Variants in TRAPPC9 observed in about 807,000 individuals in gnomAD.
TRAPPC9 encodes the protein IKK2 binding protein.
In TRAPPC9, 83 loss-of-function variants were observed where a neutral mutation model predicts 124.0. The ratio of observed to expected loss-of-function variants is 0.67; its 90% confidence interval spans 0.56 to 0.80. The LOEUF (loss-of-function observed/expected upper bound fraction) is 0.80, where lower values mean the gene tolerates loss of function less well. TRAPPC9 is among the 30% of genes least tolerant of loss of function. The pLI, the probability that TRAPPC9 is intolerant of heterozygous loss-of-function variation, is 0.00. For synonymous variants in TRAPPC9, 638 were observed against 617.5 expected (o/e 1.03, Z -0.49); for missense variants, 1,302 against 1,508.3 (o/e 0.86, Z 2.27).
chr8:139,935,193 T>A (rs1255875252), intron 19 of TRAPPC9, among the ~76,000 whole-genome samples: 1 of 152,186 alleles, frequency 6.6e-6, no homozygotes, highest in Non-Finnish European at 1.5e-5. Flanking sequence ...CCTTCTGTCC[T>A]AGAACCCCAA....
At chr8:140,167,053 G>T (rs543472102) in intron 17 of TRAPPC9, among the ~76,000 whole-genome samples, 1 of 152,020 alleles carries the variant, frequency 6.6e-6, no homozygotes, top group Non-Finnish European at 1.5e-5. Context: ...GAATCAATCA[G>T]ACAGGAGTAT....
At chr8:139,745,871 C>CAGCA (rs1372762026) in intron 21 of TRAPPC9, among the ~76,000 whole-genome samples, 2 of 152,250 alleles carry the variant, frequency 1.3e-5, no homozygotes. Flanking sequence ...AGTCGGTGGG[C>CAGCA]AGCAGCCCGC....
intron 17 of TRAPPC9, among the ~76,000 whole-genome samples, chr8:140,220,759 T>C (rs922701389): frequency 1.3e-5 from 2 of 152,192 alleles, no homozygotes; most frequent in Non-Finnish European, 2.9e-5. Flanking sequence ...CTCTTAAATT[T>C]GGCATGAGGA....
chr8:140,302,147 A>G (rs1309494746), intron 10 of TRAPPC9, among the ~76,000 whole-genome samples: 2 of 152,144 alleles, frequency 1.3e-5, no homozygotes, highest in Non-Finnish European at 2.9e-5. Context: ...GCATGCCTAC[A>G]GCACTCGGCA....
chr8:139,944,649 T>C (rs1045767280), intron 19 of TRAPPC9, among the ~76,000 whole-genome samples: 5 of 152,158 alleles, frequency 3.3e-5, no homozygotes, highest in Non-Finnish European at 7.3e-5. Flanking sequence ...AATACATACA[T>C]ATATGTTATA....
intron 8 of TRAPPC9, among the ~76,000 whole-genome samples, chr8:140,366,373 GAACA>G (rs1372689887): frequency 6.6e-6 from 1 of 152,156 alleles, no homozygotes; most frequent in African/African-American, 2.4e-5. Context: ...ACTGGTGAAA[GAACA>G]AATAGGTTAA....
intron 16 of TRAPPC9, chr8:140,238,435 G>A (rs557030876): frequency 3.9e-5 from 6 of 152,350 alleles, no homozygotes; most frequent in South Asian, 4.1e-4. Context: ...AGGTGCTCCT[G>A]AGAGCTCCAG....
At chr8:140,085,217 C>CT in intron 17 of TRAPPC9, among the ~76,000 whole-genome samples, 1 of 151,898 alleles carries the variant, frequency 6.6e-6, no homozygotes, top group South Asian at 2.1e-4. Context: ...GTGACGTGGA[C>CT]TATGTGATGA....
intron 17 of TRAPPC9, among the ~76,000 whole-genome samples, chr8:140,200,587 A>G (rs981506424): frequency 6.6e-6 from 1 of 152,098 alleles, no homozygotes; most frequent in Non-Finnish European, 1.5e-5. Context: ...TTCTCACTAT[A>G]AGGAAAATAT....
intron 17 of TRAPPC9, among the ~76,000 whole-genome samples, chr8:140,130,503 C>A (rs535842670): frequency 9.8e-5 from 15 of 152,312 alleles, no homozygotes; most frequent in African/African-American, 3.6e-4. Context: ...TCCGAAATAA[C>A]TGAATTATAA....
intron 21 of TRAPPC9, among the ~76,000 whole-genome samples, chr8:139,867,585 C>T (rs970932405): frequency 3.9e-5 from 6 of 152,170 alleles, no homozygotes; most frequent in African/African-American, 1.2e-4. Flanking sequence ...TAACCATCAC[C>T]GGCAATGGTA....
At chr8:139,861,748 C>T (rs1329343329) in intron 21 of TRAPPC9, among the ~76,000 whole-genome samples, 1 of 152,058 alleles carries the variant, frequency 6.6e-6, no homozygotes, top group East Asian at 1.9e-4. Flanking sequence ...TGAACAGACC[C>T]CCTGAGTCTC....
intron 17 of TRAPPC9, among the ~76,000 whole-genome samples, chr8:140,203,577 T>C (rs1198240899): frequency 1.3e-5 from 2 of 152,160 alleles, no homozygotes; most frequent in East Asian, 3.8e-4. Flanking sequence ...CTTCACCTGA[T>C]GAATGGCAAG....
Position 140,352,915 on chromosome 8 carries a change from C to A in TRAPPC9, c.1495+7135G>T, listed in dbSNP as rs558483306. 5.9e-5 allele frequency among the ~76,000 whole-genome samples: 9 copies of A among 152,236 alleles called. No homozygotes were observed. In the East Asian group the frequency reaches 1.7e-3, roughly 29 times the overall value. On this transcript the variant is annotated intron_variant, in intron 9 of 22. Coordinates refer to ENST00000438773, the MANE Select transcript of TRAPPC9 (RefSeq NM_001160372.4). ...GACCAAGGAGCTGGCGTCCAGGTCCCCCAGAAGGAAAACAGTGCCATCTTA... is the reference window on the plus strand; with the variant it reads ...GACCAAGGAGCTGGCGTCCAGGTCCACCAGAAGGAAAACAGTGCCATCTTA...
chr8:139,956,942 C>T (rs989350318), intron 19 of TRAPPC9, among the ~76,000 whole-genome samples: 2 of 152,364 alleles, frequency 1.3e-5, no homozygotes, highest in South Asian at 2.1e-4. Context: ...GATGGGATGT[C>T]AGTGAGGACA....
At chr8:140,262,106 G>C (rs2064438214) in intron 15 of TRAPPC9, among the ~76,000 whole-genome samples, 1 of 152,086 alleles carries the variant, frequency 6.6e-6, no homozygotes, top group Non-Finnish European at 1.5e-5. Context: ...ATGCAGAAGT[G>C]GGTATAGCCA....
intron 17 of TRAPPC9, among the ~76,000 whole-genome samples, chr8:140,144,441 C>T (rs1264512295): frequency 1.3e-5 from 2 of 151,450 alleles, no homozygotes; most frequent in Admixed American, 1.3e-4. Context: ...GTACTGTTGG[C>T]TAATGAATGA....
chr8:140,264,659 G>C (rs2064558395), intron 15 of TRAPPC9, among the ~76,000 whole-genome samples: 1 of 151,900 alleles, frequency 6.6e-6, no homozygotes, highest in Admixed American at 6.6e-5. Flanking sequence ...GAGAGAGATG[G>C]ACCCAGGAAA....
intron 8 of TRAPPC9, among the ~76,000 whole-genome samples, chr8:140,364,607 G>T (rs1054451510): frequency 1.6e-4 from 24 of 151,830 alleles, no homozygotes; most frequent in African/African-American, 5.8e-4. Context: ...TTTCGAGACG[G>T]AGTCTCGCTG....
Sources: gnomAD v4.1 joint callset for allele counts (sites outside exome capture counted in the v4.1 genomes callset) on GRCh38, gnomAD v4.1.1 for gene constraint, MANE v1.5 for transcripts, NCBI Gene and HGNC (gene_info 2026-07-23, HGNC 2026-07-21) for gene names.